The following PCDHA3 variants were observed in gnomAD, a reference collection of about 807,000 sequenced individuals.
PCDHA3 encodes protocadherin alpha 3.
A neutral mutation model predicts 62.2 loss-of-function variants in PCDHA3; 41 were observed. The observed-to-expected ratio is 0.66, with a 90% CI of 0.51 to 0.86. PCDHA3 has a LOEUF of 0.86. Among genes scored for constraint, PCDHA3 ranks in the 40% least tolerant of loss-of-function variants. The pLI, the probability that PCDHA3 is intolerant of heterozygous loss-of-function variation, is 0.00. For synonymous variants in PCDHA3, 640 were observed against 555.4 expected (o/e 1.15, Z -2.14); for missense variants, 1,304 against 1,241.2 (o/e 1.05, Z -0.76).
intron 1 of PCDHA3, chr5:140,850,559 C>T (rs2150489407): frequency 1.9e-6 from 3 of 1,598,268 alleles, no homozygotes; most frequent in Non-Finnish European, 2.6e-6. Context: ...GTGCCACGGG[C>T]CCCGAGGTGA....
chr5:140,835,849 T>A (rs2150246527), intron 1 of PCDHA3: 15 of 1,612,302 alleles, frequency 9.3e-6, no homozygotes, highest in Non-Finnish European at 1.3e-5. Flanking sequence ...AAGAACGCGC[T>A]GGTGTCCTAC....
chr5:140,835,560 G>A, intron 1 of PCDHA3: 3 of 1,613,902 alleles, frequency 1.9e-6, no homozygotes, highest in Non-Finnish European at 2.5e-6. Flanking sequence ...GACGCCCCGC[G>A]TTCCCTTCAA....
In PCDHA3 at chr5:140,981,860, A is replaced by C. The variant is rs377325751; in HGVS notation, c.2454-615A>C. On this transcript the variant is annotated intron_variant, in intron 2 of 3. Coordinates refer to ENST00000522353, the MANE Select transcript of PCDHA3 (RefSeq NM_018906.3). ...TCCCAGTTTGTATCTCACTCCCAGC[A>C]ATGTTTTATGCTGAATTAATCTCTT... Among the ~76,000 whole-genome samples the C allele has an allele frequency of 1.1e-3, 166 of 152,246 alleles. 1 individual carries two copies. The highest frequency in any genetic ancestry group is 3.9e-3 in the African/African-American group (160 of 41,532).
chr5:140,840,024 G>A (rs1776520218), intron 1 of PCDHA3, among the ~76,000 whole-genome samples: 2 of 152,172 alleles, frequency 1.3e-5, no homozygotes, highest in Middle Eastern at 3.4e-3. Context: ...TCATGGTCAC[G>A]TAGCGTATCT....
chr5:140,845,330 G>T (rs782598822), intron 1 of PCDHA3, among the ~76,000 whole-genome samples: 1 of 149,276 alleles, frequency 6.7e-6, no homozygotes, highest in African/African-American at 2.5e-5. Context: ...TTTAATTACT[G>T]AATTCTCCTA....
chr5:140,981,685 C>T (rs369964011), intron 2 of PCDHA3, among the ~76,000 whole-genome samples: 1 of 152,048 alleles, frequency 6.6e-6, no homozygotes, highest in African/African-American at 2.4e-5. Flanking sequence ...TTCCTCCCTT[C>T]CATCATTCAT....
intron 1 of PCDHA3, among the ~76,000 whole-genome samples, chr5:140,898,226 G>T (rs2066602879): frequency 6.6e-6 from 1 of 152,262 alleles, no homozygotes; most frequent in African/African-American, 2.4e-5. Flanking sequence ...GGCTTTTGTT[G>T]CCATTGCTTT....
chr5:141,011,104 C>A lies in PCDHA3; in HGVS notation c.*1167C>A, dbSNP rs1396728499. On this transcript the variant is annotated 3_prime_UTR_variant, in exon 4 of 4. Transcript: ENST00000522353. ...GATCTCTCTTTCTCTCTCTCTCTCT[C>A]TTTTCTAAGAAACAATTATGTGCAC... is the stretch of plus-strand genomic sequence containing the variant. 6.5e-6 allele frequency: 1 copy of A among 153,726 alleles called. No individual in the cohort carries two copies. The highest frequency in any genetic ancestry group is 1.5e-5 in the Non-Finnish European group (1 of 68,028). The allele number at this position is 153,726 out of a possible 1,614,324, so 9.5% of individuals were successfully genotyped here. A position where few individuals can be genotyped will look rare whatever the true frequency, so the allele number is the denominator to read the frequency against.
At chr5:140,845,612 G>A (rs1234666681) in intron 1 of PCDHA3, among the ~76,000 whole-genome samples, 1 of 149,312 alleles carries the variant, frequency 6.7e-6, no homozygotes, top group Non-Finnish European at 1.5e-5. Flanking sequence ...TAAGTATTGT[G>A]GATTCTGAAG....
chr5:140,842,408 G>T, intron 1 of PCDHA3: 4 of 1,612,322 alleles, frequency 2.5e-6, no homozygotes, highest in Non-Finnish European at 3.4e-6. Flanking sequence ...ACGTGAAGAC[G>T]CTCAATTTGG....
chr5:140,860,904 A>ATT (rs369143047), intron 1 of PCDHA3: 1 of 152,182 alleles, frequency 6.6e-6, no homozygotes, highest in African/African-American at 2.4e-5. Context: ...CGCCAGGCTA[A>ATT]TTTTTTGTAT....
rs2150476991 is a variant in PCDHA3 at position 140,850,274 on chromosome 5, G to T, written c.2394+46683G>T. Reference sequence around the variant, plus strand: ...TGGGCGCCGGCGTAGTGGTGGGGAAGGTGCGCGCAGTGGACGCCGACTCGG... The same window carrying T: ...TGGGCGCCGGCGTAGTGGTGGGGAATGTGCGCGCAGTGGACGCCGACTCGG... On this transcript the variant is annotated intron_variant, in intron 1 of 3. Coordinates refer to ENST00000522353, the MANE Select transcript of PCDHA3 (RefSeq NM_018906.3). The T allele has an allele frequency of 3.8e-6, 6 of 1,595,442 alleles. 1 individual carries two copies. In the African/African-American group the frequency reaches 4.0e-5, roughly 11 times the overall value.
intron 1 of PCDHA3, chr5:140,842,158 T>C: frequency 3.1e-6 from 5 of 1,613,882 alleles, no homozygotes; most frequent in Non-Finnish European, 4.2e-6. Flanking sequence ...CAATTTCATA[T>C]TCTTTTAATA....
At position 140,802,628 on chromosome 5, in the gene PCDHA3, G is replaced by T; in HGVS notation, c.1431G>T (p.Val477=). ...CGCCGGGCTGCCACATCTTCACGGTGTCTGCGCGGGACGCGGACGCGCAGG... is the reference window on the plus strand; with the variant it reads ...CGCCGGGCTGCCACATCTTCACGGTTTCTGCGCGGGACGCGGACGCGCAGG... ...NNPPGCHIFT[V]SARDADAQEN... The change falls in exon 1 of 4, where the codon GTG becomes GTT. Residue 477 remains valine (V), a synonymous_variant. Transcript: ENST00000522353. 1 of 1,613,956 alleles carries T rather than the reference G, an allele frequency of 6.2e-7. No individual in the cohort carries two copies. Among genetic ancestry groups the T allele is most frequent in the East Asian group, 2.2e-5 (1 of 44,890 alleles).
rs1171497178 is a variant in PCDHA3, at chr5:140,993,431, C to A, written c.2542+10868C>A. 2.7e-5 allele frequency among the ~76,000 whole-genome samples: 4 copies of A among 149,406 alleles called. No homozygotes were observed. The Admixed American group carries it at 2.7e-4, about 10-fold the overall frequency. On this transcript the variant is annotated intron_variant, in intron 3 of 3. Coordinates refer to ENST00000522353, the MANE Select transcript of PCDHA3 (RefSeq NM_018906.3). ...TCATCAGCATTTCTCTTTTAAAATC[C>A]TTATTCATTCCTGTTCTCCTTCTTT...
rs782343997 is a variant in PCDHA3 at position 140,882,709 on chromosome 5, T to C, written c.2394+79118T>C. 6 of 1,614,022 alleles carry C rather than the reference T, an allele frequency of 3.7e-6. No homozygotes were observed. In the Admixed American group the frequency reaches 6.7e-5, roughly 18 times the overall value. ...GAATAATCATTGCAGAATCTAGACC[T>C]CCGGAAACTCGATTTCCACTAGATG... is the stretch of plus-strand genomic sequence containing the variant. On this transcript the variant is annotated intron_variant, in intron 1 of 3. Coordinates refer to ENST00000522353, the MANE Select transcript of PCDHA3 (RefSeq NM_018906.3).
intron 1 of PCDHA3, among the ~76,000 whole-genome samples, chr5:140,908,078 A>T (rs1047293736): frequency 6.6e-6 from 1 of 152,202 alleles, no homozygotes; most frequent in Non-Finnish European, 1.5e-5. Context: ...AAAGTGCACA[A>T]CCAGGTGCAC....
intron 1 of PCDHA3, chr5:140,881,346 A>G (rs534939044): frequency 1.0e-6 from 1 of 985,162 alleles, no homozygotes; most frequent in Non-Finnish European, 1.2e-6. Context: ...GATTCGGGCT[A>G]CAATGCGTGG....
rs35184029 is a variant in PCDHA3 at position 140,997,668 on chromosome 5, TTGTGTG to T, written c.2543-11935_2543-11930del. Among the ~76,000 whole-genome samples the T allele has an allele frequency of 3.7e-4, 55 of 148,336 alleles. 1 individual carries two copies. The South Asian group carries it at 5.8e-3, about 16-fold the overall frequency. On this transcript the variant is annotated intron_variant, in intron 3 of 3. Coordinates refer to ENST00000522353, the MANE Select transcript of PCDHA3 (RefSeq NM_018906.3). ...AATGCAATATGTATTATTATACAGC[TTGTGTG>T]TGTGTGTGTGTGTGTGTGTGTGTAT...
Sources: allele counts gnomAD v4.1 joint callset (sites outside exome capture counted in the v4.1 genomes callset), GRCh38; gene constraint gnomAD v4.1.1; transcripts MANE v1.5; gene names NCBI Gene and HGNC (gene_info 2026-07-23, HGNC 2026-07-21).